CTNNA3: variants seen among roughly 807,000 people sequenced by gnomAD.
The protein encoded by CTNNA3 is catenin alpha 3.
CTNNA3 carries 76 observed loss-of-function variants against 95.7 expected under a neutral mutation model. The ratio of observed to expected loss-of-function variants is 0.79; its 90% CI spans 0.66 to 0.96. The LOEUF is 0.96. Ranked by LOEUF, CTNNA3 falls within the 40% of genes least tolerant of loss-of-function variation. The pLI is 0.00. For missense variants in CTNNA3, 1,191 were observed against 1,089.8 expected, an observed-to-expected ratio of 1.09 and a Z score of -1.31; for synonymous variants, 431 against 374.4, an observed-to-expected ratio of 1.15 and a Z score of -1.74.
chr10:67,725,972 A>ATATATAC (rs901893510), intron 1 of CTNNA3, among the ~76,000 whole-genome samples: 52 of 139,648 alleles, frequency 3.7e-4, no homozygotes, highest in Non-Finnish European at 7.3e-4. Flanking sequence ...TATATATGTA[A>ATATATAC]TATATACTAT....
intron 9 of CTNNA3, among the ~76,000 whole-genome samples, chr10:66,718,163 T>C (rs886669351): frequency 2.6e-4 from 39 of 151,362 alleles, no homozygotes; most frequent in Admixed American, 1.4e-3. Context: ...TTACTCATCA[T>C]AGCATTATCT....
At chr10:66,997,418 C>A (rs1564820883) in intron 7 of CTNNA3, among the ~76,000 whole-genome samples, 1 of 152,156 alleles carries the variant, frequency 6.6e-6, no homozygotes, top group Admixed American at 6.6e-5. Flanking sequence ...TTAAAACTAG[C>A]ACTTTAAGCA....
At chr10:66,421,917 C>T (rs199808871) in intron 11 of CTNNA3, among the ~76,000 whole-genome samples, 6,939 of 87,286 alleles carry the variant, frequency 0.079, 438 homozygotes, top group East Asian at 0.25. Flanking sequence ...TATATATATA[C>T]ACACACACAC....
intron 5 of CTNNA3, among the ~76,000 whole-genome samples, chr10:67,319,159 C>T (rs1432430551): frequency 6.6e-6 from 1 of 152,210 alleles, no homozygotes; most frequent in Non-Finnish European, 1.5e-5. Context: ...TACTGGTAGA[C>T]AACATTTCAT....
chr10:66,630,834 T>A (rs944488019), intron 9 of CTNNA3, among the ~76,000 whole-genome samples: 1 of 152,146 alleles, frequency 6.6e-6, no homozygotes, highest in Non-Finnish European at 1.5e-5. Context: ...TAAAAGCACA[T>A]AGCAAATTGC....
At chr10:66,106,337 TTGTG>T (rs201326026) in intron 13 of CTNNA3, among the ~76,000 whole-genome samples, 7,898 of 145,450 alleles carry the variant, frequency 0.054, 256 homozygotes, top group African/African-American at 0.095. Context: ...GTGTGTGTGT[TTGTG>T]TGTGTGTGTG....
chr10:66,866,905 C>G (rs1322275709), intron 7 of CTNNA3, among the ~76,000 whole-genome samples: 2 of 152,110 alleles, frequency 1.3e-5, no homozygotes, highest in East Asian at 3.9e-4. Context: ...TGGGAGGAAC[C>G]TGATGAGAGA....
intron 7 of CTNNA3, among the ~76,000 whole-genome samples, chr10:66,787,649 T>A (rs1004195504): frequency 1.5e-4 from 23 of 152,276 alleles, no homozygotes; most frequent in Non-Finnish European, 2.4e-4. Flanking sequence ...GAGGGGCAAG[T>A]GACAAGCCAC....
intron 4 of CTNNA3, among the ~76,000 whole-genome samples, chr10:67,537,924 T>G (rs1379668275): frequency 6.6e-6 from 1 of 152,010 alleles, no homozygotes; most frequent in Non-Finnish European, 1.5e-5. Context: ...AGTAAACAGC[T>G]GCTGGTGATG....
intron 13 of CTNNA3, among the ~76,000 whole-genome samples, chr10:66,210,399 T>C (rs183858266): frequency 1.4e-4 from 22 of 151,802 alleles, no homozygotes; most frequent in African/African-American, 4.8e-4. Context: ...GGTTCTTGCA[T>C]TGAGAAATAA....
chr10:66,905,226 T>C (rs1845934173), intron 7 of CTNNA3, among the ~76,000 whole-genome samples: 1 of 152,140 alleles, frequency 6.6e-6, no homozygotes, highest in Non-Finnish European at 1.5e-5. Context: ...TGCAGGGACA[T>C]CGATGATGCT....
At chr10:66,645,603 GC>G (rs1845681163) in intron 9 of CTNNA3, among the ~76,000 whole-genome samples, 1 of 152,110 alleles carries the variant, frequency 6.6e-6, no homozygotes, top group African/African-American at 2.4e-5. Context: ...CCAGTCTGTG[GC>G]CTATCAGCAA....
chr10:67,141,695 C>T (rs1860575496), intron 7 of CTNNA3, among the ~76,000 whole-genome samples: 1 of 152,166 alleles, frequency 6.6e-6, no homozygotes, highest in African/African-American at 2.4e-5. Context: ...TTCTATGGAA[C>T]ATTCACCAAA....
intron 17 of CTNNA3, among the ~76,000 whole-genome samples, chr10:65,939,029 A>T (rs897316567): frequency 1.3e-5 from 2 of 151,950 alleles, no homozygotes; most frequent in African/African-American, 4.8e-5. Flanking sequence ...CAGCCTCCCA[A>T]GTAGCTGGGA....
At chr10:67,512,560 T>C (rs765985550) in intron 5 of CTNNA3, among the ~76,000 whole-genome samples, 2 of 152,186 alleles carry the variant, frequency 1.3e-5, no homozygotes, top group African/African-American at 2.4e-5. Flanking sequence ...AAAATTCCAT[T>C]GCAGTAGAAA....
At chr10:67,638,125 C>T (rs1185100136) in intron 2 of CTNNA3, among the ~76,000 whole-genome samples, 13 of 152,072 alleles carry the variant, frequency 8.5e-5, no homozygotes, top group Admixed American at 3.3e-4. Flanking sequence ...ACCCATCTCA[C>T]GTGCAGAGAC....
intron 7 of CTNNA3, among the ~76,000 whole-genome samples, chr10:66,874,707 A>G (rs1384080656): frequency 6.6e-6 from 1 of 152,156 alleles, no homozygotes; most frequent in Non-Finnish European, 1.5e-5. Context: ...ATACCAATCT[A>G]TATAATTTTC....
chr10:66,478,400 G>A (rs1200859941), intron 11 of CTNNA3, among the ~76,000 whole-genome samples: 1 of 151,896 alleles, frequency 6.6e-6, no homozygotes, highest in African/African-American at 2.4e-5. Context: ...TATTAAGCAT[G>A]TTCAGCTTTA....
intron 17 of CTNNA3, among the ~76,000 whole-genome samples, chr10:65,938,984 G>C (rs1302279162): frequency 1.3e-5 from 2 of 151,628 alleles, no homozygotes; most frequent in Non-Finnish European, 2.9e-5. Flanking sequence ...CTCACTGCAA[G>C]CTCCGCCTCC....
Sources: allele counts gnomAD v4.1 joint callset (sites outside exome capture counted in the v4.1 genomes callset), GRCh38; gene constraint gnomAD v4.1.1; transcripts MANE v1.5; gene names NCBI Gene and HGNC (gene_info 2026-07-23, HGNC 2026-07-21).